RNF38: variants seen among roughly 807,000 people sequenced by gnomAD.
RNF38 encodes the protein ring finger protein 38.
In RNF38, 15 loss-of-function variants were observed where a neutral mutation model predicts 67.2. The ratio of observed to expected loss-of-function variants is 0.22; its 90% CI spans 0.15 to 0.34. RNF38 has a LOEUF of 0.34. RNF38 is among the 10% of genes least tolerant of loss of function. The pLI is 1.00. For synonymous variants in RNF38, 220 were observed against 218.8 expected (o/e 1.01, Z -0.05); for missense variants, 524 against 639.9 (o/e 0.82, Z 1.95).
intron 1 of RNF38, among the ~76,000 whole-genome samples, chr9:36,475,230 C>A (rs1840096566): frequency 6.6e-6 from 1 of 151,966 alleles, no homozygotes; most frequent in South Asian, 2.1e-4. Context: ...TCTGCTAACA[C>A]TGTCATGATC....
chr9:36,397,236 C>A lies in RNF38; in HGVS notation c.12+2861G>T, dbSNP rs114504561. ...GTTCAAGCAATTCTCCTGCTTCAGC[C>A]TCCAGAGTAGCGGATTACAGGTGCT... On this transcript the variant is annotated intron_variant, in intron 1 of 11. Coordinates refer to ENST00000259605, the MANE Select transcript of RNF38 (RefSeq NM_022781.5). 7.4e-3 allele frequency among the ~76,000 whole-genome samples: 1,128 copies of A among 151,846 alleles called. 21 individuals are homozygous for A. Among genetic ancestry groups the A allele is most frequent in the African/African-American group, 0.026 (1,079 of 41,390 alleles).
At chr9:36,416,430 G>A (rs1236818770) in intron 2 of RNF38, among the ~76,000 whole-genome samples, 4 of 152,110 alleles carry the variant, frequency 2.6e-5, no homozygotes, top group African/African-American at 9.7e-5. Flanking sequence ...GCAAGGCTGA[G>A]ATTTTGCCCC....
intron 1 of RNF38, among the ~76,000 whole-genome samples, chr9:36,397,063 G>A (rs1006584177): frequency 1.7e-4 from 20 of 114,536 alleles, no homozygotes; most frequent in Middle Eastern, 8.0e-3. Flanking sequence ...GTATATATAC[G>A]TATATATATG....
At chr9:36,387,065 A>G (rs1017037384) in intron 2 of RNF38, among the ~76,000 whole-genome samples, 2 of 152,166 alleles carry the variant, frequency 1.3e-5, no homozygotes, top group African/African-American at 4.8e-5. Context: ...GGCCTCCCAA[A>G]TTGCTGGGAT....
At chr9:36,416,742 ATTTTTTTTTT>A (rs386414907) in intron 2 of RNF38, among the ~76,000 whole-genome samples, 12 of 63,470 alleles carry the variant, frequency 1.9e-4, no homozygotes, top group Non-Finnish European at 1.7e-4. Flanking sequence ...CTGCCTCGAT[ATTTTTTTTTT>A]TTTTTTTTTT....
intron 2 of RNF38, among the ~76,000 whole-genome samples, chr9:36,384,629 T>G (rs546084622): frequency 7.9e-5 from 12 of 152,368 alleles, no homozygotes; most frequent in Admixed American, 2.0e-4. Flanking sequence ...TTATGCAGTG[T>G]TGGAATTTGC....
rs1835879432 is a variant in RNF38, at chr9:36,377,534, CATT to C, written c.163-1410_163-1408del. Among the ~76,000 whole-genome samples the C allele has an allele frequency of 2.6e-5, 4 of 152,084 alleles. No individual in the cohort carries two copies. In the South Asian group the frequency reaches 6.2e-4, roughly 24 times the overall value. ...GAGATATTATAATCAATTTTATTATCATTATAATTAAAATACAAAACACAAAAG... is the reference window on the plus strand; with the variant it reads ...GAGATATTATAATCAATTTTATTATCATAATTAAAATACAAAACACAAAAG... On this transcript the variant is annotated intron_variant, in intron 2 of 11. Coordinates refer to ENST00000259605, the MANE Select transcript of RNF38 (RefSeq NM_022781.5).
chr9:36,347,465 G>A (rs1292252043), intron 9 of RNF38, among the ~76,000 whole-genome samples: 1 of 152,258 alleles, frequency 6.6e-6, no homozygotes, highest in Middle Eastern at 3.4e-3. Context: ...ATATCCTGGT[G>A]TCACATTTTG....
At chr9:36,401,169 A>G, upstream of RNF38, 2 of 981,956 alleles carry the variant, frequency 2.0e-6, no homozygotes, top group Non-Finnish European at 2.4e-6. Context: ...CGCGCGCCGA[A>G]CCCCCTTTGT....
intron 6 of RNF38, among the ~76,000 whole-genome samples, chr9:36,354,585 C>T (rs758116714): frequency 1.2e-4 from 19 of 152,210 alleles, no homozygotes; most frequent in Admixed American, 5.2e-4. Context: ...TCATCTGTTT[C>T]GCAGACTTTA....
At chr9:36,471,095 T>C (rs1267429345) in intron 1 of RNF38, among the ~76,000 whole-genome samples, 1 of 152,166 alleles carries the variant, frequency 6.6e-6, no homozygotes, top group African/African-American at 2.4e-5. Flanking sequence ...TGTGCTTTTT[T>C]AAGGCACTTC....
chr9:36,479,745 T>TAA (rs150809420), intron 1 of RNF38, among the ~76,000 whole-genome samples: 33 of 147,874 alleles, frequency 2.2e-4, no homozygotes, highest in African/African-American at 7.9e-4. Flanking sequence ...GACAAATCTA[T>TAA]AAAAAAAAAA....
intron 1 of RNF38, among the ~76,000 whole-genome samples, chr9:36,395,000 C>T (rs770759477): frequency 1.8e-4 from 27 of 152,216 alleles, no homozygotes; most frequent in Non-Finnish European, 3.2e-4. Flanking sequence ...ATTAAGTCTG[C>T]AACTCCCAAA....
intron 3 of RNF38, chr9:36,372,460 C>G (rs1369722956): frequency 1.5e-6 from 1 of 671,910 alleles, no homozygotes; most frequent in East Asian, 2.7e-5. Flanking sequence ...TCTTTCACTT[C>G]ATTCGTTTTT....
intron 1 of RNF38, among the ~76,000 whole-genome samples, chr9:36,458,337 A>G (rs141143300): frequency 0.011 from 1,686 of 152,328 alleles, 28 homozygotes; most frequent in African/African-American, 0.038. Flanking sequence ...GCAGGGCCAA[A>G]TAAGAGAATA....
intron 1 of RNF38, among the ~76,000 whole-genome samples, chr9:36,482,397 G>C (rs991320846): frequency 2.4e-5 from 3 of 125,126 alleles, no homozygotes; most frequent in African/African-American, 9.1e-5. Flanking sequence ...CTGTTGCCCA[G>C]GCTGGAGTGC....
chr9:36,435,865 G>A (rs967770361), intron 1 of RNF38, among the ~76,000 whole-genome samples: 4 of 152,034 alleles, frequency 2.6e-5, no homozygotes, highest in Non-Finnish European at 5.9e-5. Flanking sequence ...TCCTGACCTC[G>A]TGATCCGCCC....
chr9:36,451,511 T>TGTTTGTTTG (rs1373736982), intron 1 of RNF38, among the ~76,000 whole-genome samples: 6 of 143,390 alleles, frequency 4.2e-5, no homozygotes, highest in African/African-American at 1.5e-4. Flanking sequence ...TTTTTTTTTT[T>TGTTTGTTTG]TTTTTTGAGA....
intron 1 of RNF38, among the ~76,000 whole-genome samples, chr9:36,470,107 TAGCATCACCTA>T (rs1248546565): frequency 6.6e-6 from 1 of 152,146 alleles, no homozygotes; most frequent in East Asian, 1.9e-4. Context: ...TCATGTGCAT[TAGCATCACCTA>T]GGAACCTGTT....
Sources: allele counts gnomAD v4.1 joint callset (sites outside exome capture counted in the v4.1 genomes callset), GRCh38; gene constraint gnomAD v4.1.1; transcripts MANE v1.5; gene names NCBI Gene and HGNC (gene_info 2026-07-23, HGNC 2026-07-21).